Variants in ANO10 observed in about 807,000 individuals in gnomAD.
The protein encoded by ANO10 is anoctamin-10.
In ANO10, 77 loss-of-function variants were observed where a neutral mutation model predicts 74.7. The observed-to-expected ratio is 1.03, with a 90% CI of 0.86 to 1.25. The LOEUF is 1.25. Ranked by LOEUF, ANO10 falls within the 50% of genes most tolerant of loss-of-function variation. The pLI is 0.00. For synonymous variants in ANO10, 279 were observed against 284.9 expected, an observed-to-expected ratio of 0.98 and a Z score of 0.21; for missense variants, 721 against 778.1, an observed-to-expected ratio of 0.93 and a Z score of 0.87.
chr3:43,544,520 T>G (rs2079092666), intron 11 of ANO10, among the ~76,000 whole-genome samples: 1 of 151,984 alleles, frequency 6.6e-6, no homozygotes, highest in African/African-American at 2.4e-5. Flanking sequence ...GGGCTGGGTA[T>G]GGTGGTTCAC....
chr3:43,675,209 C>T (rs2084108027), intron 1 of ANO10, among the ~76,000 whole-genome samples: 1 of 152,136 alleles, frequency 6.6e-6, no homozygotes, highest in Non-Finnish European at 1.5e-5. Flanking sequence ...CTAAACATCT[C>T]ACTTCCATAA....
chr3:43,504,006 A>T (rs1156745354), intron 11 of ANO10, among the ~76,000 whole-genome samples: 1 of 152,064 alleles, frequency 6.6e-6, no homozygotes, highest in African/African-American at 2.4e-5. Flanking sequence ...GCTCACACCT[A>T]TAATCCTAGC....
intron 12 of ANO10, among the ~76,000 whole-genome samples, chr3:43,398,024 C>A (rs1244435115): frequency 6.6e-6 from 1 of 152,168 alleles, no homozygotes; most frequent in East Asian, 1.9e-4. Flanking sequence ...ATCTTCAAAA[C>A]TGTATGATAT....
chr3:43,601,137 T>A (rs2082320890), intron 2 of ANO10, among the ~76,000 whole-genome samples: 1 of 152,212 alleles, frequency 6.6e-6, no homozygotes. Context: ...AGAGATATCA[T>A]GATTTGATAA....
At chr3:43,458,685 G>C (rs2075247278) in intron 11 of ANO10, among the ~76,000 whole-genome samples, 1 of 152,100 alleles carries the variant, frequency 6.6e-6, no homozygotes, top group South Asian at 2.1e-4. Flanking sequence ...TACATGTGCT[G>C]AACGTGCAGG....
intron 4 of ANO10, among the ~76,000 whole-genome samples, chr3:43,588,355 T>C (rs1429281997): frequency 6.6e-6 from 1 of 152,088 alleles, no homozygotes; most frequent in Non-Finnish European, 1.5e-5. Context: ...ACTATATCAA[T>C]ATAAATTCAT....
At chr3:43,463,605 C>T (rs1298831946) in intron 11 of ANO10, among the ~76,000 whole-genome samples, 1 of 152,162 alleles carries the variant, frequency 6.6e-6, no homozygotes, top group East Asian at 1.9e-4. Flanking sequence ...CAAATTTCTC[C>T]CATTTGGAAT....
At position 43,549,781 on chromosome 3, in the gene ANO10, T is replaced by A; in HGVS notation, c.1736A>T (p.Gln579Leu). The change falls in exon 11 of 13, where the codon CAA (glutamine) becomes CTA (leucine). Residue 579 changes from glutamine (Q) to leucine (L), a missense_variant. Transcript: ENST00000292246. ...TGATTCTGGAAAGACTGCATTCACT[T>A]GTGGTGACATTCCAATCAGCGCACA... ...TNCALIGMSPQVNAVFPESKA... is the reference protein window; with the variant it reads ...TNCALIGMSPLVNAVFPESKA... The A allele has an allele frequency of 6.2e-7, 1 of 1,614,062 alleles. No individual in the cohort carries two copies. Among genetic ancestry groups the A allele is most frequent in the African/African-American group, 1.3e-5 (1 of 75,050 alleles).
At chr3:43,375,581 C>T (rs910955619) in intron 12 of ANO10, among the ~76,000 whole-genome samples, 19 of 152,110 alleles carry the variant, frequency 1.2e-4, no homozygotes, top group Admixed American at 7.9e-4. Flanking sequence ...AAATCACAAA[C>T]GCTAGAGCAG....
intron 12 of ANO10, among the ~76,000 whole-genome samples, chr3:43,399,084 T>G: frequency 6.6e-6 from 1 of 152,210 alleles, no homozygotes; most frequent in East Asian, 1.9e-4. Context: ...CACCTCGAAC[T>G]TCAAAAGTGC....
chr3:43,484,494 T>A (rs1575225018), intron 11 of ANO10, among the ~76,000 whole-genome samples: 1 of 152,132 alleles, frequency 6.6e-6, no homozygotes, highest in East Asian at 1.9e-4. Context: ...GCAGGGTAAT[T>A]TCAAAATATG....
At chr3:43,403,286 C>T (rs553617139) in intron 12 of ANO10, among the ~76,000 whole-genome samples, 3 of 152,366 alleles carry the variant, frequency 2.0e-5, no homozygotes, top group East Asian at 1.9e-4. Flanking sequence ...CAAAACTTGA[C>T]ATCTGTCAGA....
At chr3:43,659,077 C>T (rs1309468837) in intron 1 of ANO10, among the ~76,000 whole-genome samples, 1 of 152,040 alleles carries the variant, frequency 6.6e-6, no homozygotes, top group East Asian at 1.9e-4. Context: ...AAAGAAAAAT[C>T]CTGGTCATTT....
intron 11 of ANO10, among the ~76,000 whole-genome samples, chr3:43,496,113 T>C (rs1055721111): frequency 3.3e-5 from 5 of 152,126 alleles, no homozygotes; most frequent in Admixed American, 2.6e-4. Flanking sequence ...CTATTAAAAG[T>C]AGTGCCTACT....
At chr3:43,459,586 T>C in intron 11 of ANO10, among the ~76,000 whole-genome samples, 1 of 152,116 alleles carries the variant, frequency 6.6e-6, no homozygotes. Flanking sequence ...AGAGGCATGA[T>C]GGAGCTGCCA....
rs112573059 is a variant in ANO10 at position 43,565,958 on chromosome 3, A to G, written c.1219-231T>C. Among the ~76,000 whole-genome samples the G allele has an allele frequency of 0.019, 2,844 of 152,192 alleles. 79 individuals are homozygous for G. The highest frequency in any genetic ancestry group is 0.063 in the African/African-American group (2,624 of 41,514). ...CTCACTAGGGAGTGCCAGACAGTGGACGCAGGTCAGTGGGTGCGCGCACCG... is the reference window on the plus strand; with the variant it reads ...CTCACTAGGGAGTGCCAGACAGTGGGCGCAGGTCAGTGGGTGCGCGCACCG... On this transcript the variant is annotated intron_variant, in intron 7 of 12. Coordinates refer to ENST00000292246, the MANE Select transcript of ANO10 (RefSeq NM_018075.5).
chr3:43,565,843 G>T (rs555537915), intron 7 of ANO10, 116 bp from the exon 8 acceptor site: 12 of 1,067,588 alleles, frequency 1.1e-5, no homozygotes, highest in Non-Finnish European at 1.7e-5. Context: ...CAAGAGGGCC[G>T]AATAGGAACA....
intron 11 of ANO10, among the ~76,000 whole-genome samples, chr3:43,495,069 G>C (rs915509551): frequency 6.6e-6 from 1 of 151,816 alleles, no homozygotes; most frequent in African/African-American, 2.4e-5. Flanking sequence ...CTCAAAAACA[G>C]ACAAAAAGGT....
At chr3:43,384,833 G>T (rs534149143) in intron 12 of ANO10, among the ~76,000 whole-genome samples, 133 of 152,264 alleles carry the variant, frequency 8.7e-4, no homozygotes, top group African/African-American at 3.1e-3. Flanking sequence ...GATAACATCA[G>T]AAAAACCCTT....
Sources: gnomAD v4.1 joint callset for allele counts (sites outside exome capture counted in the v4.1 genomes callset) on GRCh38, gnomAD v4.1.1 for gene constraint, MANE v1.5 for transcripts, NCBI Gene and HGNC (gene_info 2026-07-23, HGNC 2026-07-21) for gene names.